Variants in ZNF385C observed in about 807,000 individuals in gnomAD.
ZNF385C encodes the protein CTD-2132N18.2.
A neutral mutation model predicts 35.4 loss-of-function variants in ZNF385C; 28 were observed. The observed-to-expected ratio is 0.79, with a 90% CI of 0.59 to 1.08. The LOEUF (loss-of-function observed/expected upper bound fraction) is 1.08. Among genes scored for constraint, ZNF385C ranks in the 50% least tolerant of loss-of-function variants. The pLI, the probability that ZNF385C is intolerant of heterozygous loss-of-function variation, is 0.00. For synonymous variants in ZNF385C, 248 were observed against 248.2 expected (o/e 1.00, Z 0.01); for missense variants, 605 against 595.6 (o/e 1.02, Z -0.16).
At chr17:42,057,499 C>CGTGTGT (rs202100946) in intron 2 of ZNF385C, among the ~76,000 whole-genome samples, 7,573 of 131,624 alleles carry the variant, frequency 0.058, 373 homozygotes, top group African/African-American at 0.074. Context: ...TAGGGGTGTG[C>CGTGTGT]GCGCGCGCGC....
chr17:42,072,974 G>A (rs2053646471), intron 1 of ZNF385C, among the ~76,000 whole-genome samples: 1 of 152,062 alleles, frequency 6.6e-6, no homozygotes, highest in South Asian at 2.1e-4. Flanking sequence ...TTCCGCCCCC[G>A]GCCGCTACCT....
chr17:42,078,369 G>T (rs540443754), intron 1 of ZNF385C, among the ~76,000 whole-genome samples: 2 of 151,406 alleles, frequency 1.3e-5, no homozygotes, highest in African/African-American at 4.9e-5. Flanking sequence ...AGGAAGCCTA[G>T]AATCTCTACC....
intron 1 of ZNF385C, among the ~76,000 whole-genome samples, chr17:42,079,217 T>C (rs868960511): frequency 3.4e-5 from 4 of 118,654 alleles, no homozygotes; most frequent in South Asian, 2.4e-4. Flanking sequence ...TATATATATA[T>C]ACATATATAT....
At chr17:42,027,554 G>GGGCCCC in intron 8 of ZNF385C, 64 bp downstream of exon 8, 29 of 556,846 alleles carry the variant, frequency 5.2e-5, no homozygotes, top group East Asian at 6.9e-5. Context: ...CCCCCATCTG[G>GGGCCCC]CCCTCCCAGC....
Position 42,095,279 on chromosome 17 carries a change from C to T in ZNF385C, c.-3+3131G>A, listed in dbSNP as rs1481131002. On this transcript the variant is annotated intron_variant, in intron 1 of 8. Transcript: ENST00000692273. The surrounding 1 kb of genome is among the most constrained non-coding windows in gnomAD (Gnocchi z 4.4). Reference sequence around the variant, plus strand: ...GGCACTTGACTACAGTCAACACCAGCGTACCATTCATTCCCGCTGGGGATG... The same window carrying T: ...GGCACTTGACTACAGTCAACACCAGTGTACCATTCATTCCCGCTGGGGATG... 2.0e-5 allele frequency among the ~76,000 whole-genome samples: 3 copies of T among 152,208 alleles called. No homozygotes were observed. Among genetic ancestry groups the T allele is most frequent in the Admixed American group, 6.5e-5 (1 of 15,290 alleles).
At chr17:42,071,331 C>T (rs932645799) in intron 1 of ZNF385C, among the ~76,000 whole-genome samples, 3 of 152,156 alleles carry the variant, frequency 2.0e-5, no homozygotes, top group Non-Finnish European at 2.9e-5. Flanking sequence ...GGAGAGAGGG[C>T]ACAGGAGGTG....
intron 5 of ZNF385C, among the ~76,000 whole-genome samples, chr17:42,030,570 A>C (rs2052704480): frequency 6.6e-6 from 1 of 152,214 alleles, no homozygotes. Context: ...GTTTCACCAA[A>C]AATAGGTAAA....
Position 42,050,913 on chromosome 17 carries a change from A to G in ZNF385C, c.250+11894T>C, listed in dbSNP as rs1266551747. 2.6e-5 allele frequency among the ~76,000 whole-genome samples: 4 copies of G among 152,100 alleles called. No homozygotes were observed. The highest frequency in any genetic ancestry group is 4.4e-5 in the Non-Finnish European group (3 of 67,976). On this transcript the variant is annotated intron_variant, in intron 2 of 8. Transcript: ENST00000692273. The surrounding 1 kb of genome is among the most constrained non-coding windows in gnomAD (Gnocchi z 5.6). ...GGGGCTCACAGCCTAAGCCACAGAC[A>G]GGTAGAGCGCGGTAGAGGCTGCAAA...
intron 2 of ZNF385C, chr17:42,061,598 CA>C (rs1598196548): frequency 6.6e-6 from 1 of 152,258 alleles, no homozygotes; most frequent in East Asian, 1.9e-4. Context: ...TGCTCAGAGT[CA>C]TGCTTTTGGT....
At chr17:42,094,733 G>A (rs2053900096) in intron 1 of ZNF385C, among the ~76,000 whole-genome samples, 2 of 152,216 alleles carry the variant, frequency 1.3e-5, no homozygotes, top group East Asian at 1.9e-4. Flanking sequence ...CCTGGGAGAC[G>A]TGGGGGGAGC....
intron 2 of ZNF385C, chr17:42,061,149 C>T (rs2053454127): frequency 6.6e-6 from 1 of 151,488 alleles, no homozygotes; most frequent in African/African-American, 2.4e-5. Flanking sequence ...CATGAATCTC[C>T]CAAAAGCAGC....
intron 6 of ZNF385C, chr17:42,028,571 A>T: frequency 1.5e-6 from 1 of 654,862 alleles, no homozygotes; most frequent in Non-Finnish European, 2.6e-6. Context: ...AGCGACCTTC[A>T]GTTCTTGCTG....
chr17:42,054,664 C>T (rs1256732533), intron 2 of ZNF385C, among the ~76,000 whole-genome samples: 1 of 151,866 alleles, frequency 6.6e-6, no homozygotes, highest in African/African-American at 2.4e-5. Context: ...TCACTGCAAC[C>T]TCTGCCTCCC....
chr17:42,027,922 G>A, intron 7 of ZNF385C, 128 bp downstream of exon 7: 1 of 1,312,664 alleles, frequency 7.6e-7, no homozygotes, highest in Non-Finnish European at 1.1e-6. Context: ...CCACTGGCCT[G>A]CTGGCCTCGC....
At chr17:42,090,277 C>CTT (rs1162613191) in intron 1 of ZNF385C, among the ~76,000 whole-genome samples, 44 of 98,892 alleles carry the variant, frequency 4.4e-4, no homozygotes, top group Non-Finnish European at 6.2e-4. Flanking sequence ...CTCTTATTCC[C>CTT]TTTTTTTTTT....
intron 4 of ZNF385C, among the ~76,000 whole-genome samples, chr17:42,033,782 C>A (rs555801596): frequency 1.1e-4 from 16 of 152,144 alleles, no homozygotes; most frequent in South Asian, 2.1e-4. Flanking sequence ...AAAAATCCCG[C>A]CTCCACCCGT....
intron 1 of ZNF385C, among the ~76,000 whole-genome samples, chr17:42,089,307 C>A (rs1391854006): frequency 6.6e-6 from 1 of 151,776 alleles, no homozygotes; most frequent in Non-Finnish European, 1.5e-5. Context: ...CAGAATAAGA[C>A]CCTGTCTCTA....
intron 2 of ZNF385C, among the ~76,000 whole-genome samples, chr17:42,042,432 G>A (rs2053046454): frequency 6.6e-6 from 1 of 151,872 alleles, no homozygotes; most frequent in Non-Finnish European, 1.5e-5. Context: ...TGAGGCAGGA[G>A]AATCACTTGA....
intron 2 of ZNF385C, among the ~76,000 whole-genome samples, chr17:42,060,268 C>T (rs963384422): frequency 3.3e-5 from 5 of 152,150 alleles, no homozygotes; most frequent in Non-Finnish European, 7.4e-5. Flanking sequence ...GAAAAGGCTC[C>T]AGAATCTATT....
Sources: allele counts gnomAD v4.1 joint callset (sites outside exome capture counted in the v4.1 genomes callset), GRCh38; gene constraint gnomAD v4.1.1; non-coding constraint Gnocchi (gnomAD v3.1); transcripts MANE v1.5; gene names NCBI Gene and HGNC (gene_info 2026-07-23, HGNC 2026-07-21).